ALX3: variants seen among roughly 807,000 people sequenced by gnomAD.
ALX3 encodes homeobox protein aristaless-like 3.
In ALX3, 17 loss-of-function variants were observed where a neutral mutation model predicts 26.3. The observed-to-expected ratio is 0.65, with a 90% CI of 0.44 to 0.97. The LOEUF (loss-of-function observed/expected upper bound fraction) is 0.97, where lower values mean the gene tolerates loss of function less well. Among genes scored for constraint, ALX3 ranks in the 50% least tolerant of loss-of-function variants. The pLI is 0.00. For synonymous variants in ALX3, 208 were observed against 201.4 expected (o/e 1.03, Z -0.28); for missense variants, 461 against 466.5 (o/e 0.99, Z 0.11).
chr1:110,063,983 AT>A (rs1367269039), intron 2 of ALX3, among the ~76,000 whole-genome samples: 1 of 151,060 alleles, frequency 6.6e-6, no homozygotes, highest in East Asian at 2.0e-4. Flanking sequence ...TCCATGGGGG[AT>A]TTTGTTAGGA....
At chr1:110,064,949 CT>C (rs755838544) in intron 1 of ALX3, 46 bp from the exon 2 acceptor site, 11 of 1,539,002 alleles carry the variant, frequency 7.1e-6, no homozygotes, top group Non-Finnish European at 8.7e-6. Context: ...GAACCAGGGG[CT>C]TTTGTGGGTT....
At chr1:110,070,185 G>A (rs1469145164) in intron 1 of ALX3, 151 bp downstream of exon 1, 1 of 912,548 alleles carries the variant, frequency 1.1e-6, no homozygotes, top group Non-Finnish European at 1.4e-6. Flanking sequence ...GCGCCAACCC[G>A]GCTTCCGTGG....
intron 2 of ALX3, among the ~76,000 whole-genome samples, chr1:110,063,120 A>G (rs1229107410): frequency 1.3e-5 from 2 of 152,154 alleles, no homozygotes; most frequent in Non-Finnish European, 2.9e-5. Flanking sequence ...ACTAGGGGTG[A>G]GGGCCTCATG....
At position 110,064,686 on chromosome 1, in the gene ALX3, C is replaced by T. The variant is rs912748250; in HGVS notation, c.495G>A (p.Leu165=). ...RNRTTFSTFQ[L]EELEKVFQKT... is the part of the protein sequence containing the mutation. ...TCTGGAAGACCTTCTCCAGCTCCTC[C>T]AGCTGGAATGTGCTGAAGGTCGTGC... The change falls in exon 2 of 4, where the codon CTG becomes CTA. Residue 165 remains leucine (L), a synonymous_variant. Coordinates refer to ENST00000647563, the MANE Select transcript of ALX3 (RefSeq NM_006492.3). 2 of 1,614,120 alleles carry T rather than the reference C, an allele frequency of 1.2e-6. No homozygotes were observed. Among genetic ancestry groups the T allele is most frequent in the Non-Finnish European group, 1.7e-6 (2 of 1,180,056 alleles).
intron 2 of ALX3, chr1:110,062,125 G>GCCTCCCAAGCTC (rs1653663570): frequency 6.5e-6 from 1 of 153,514 alleles, no homozygotes; most frequent in African/African-American, 2.4e-5. Flanking sequence ...TCTTCTGGTT[G>GCCTCCCAAGCTC]CCTCCCAAGC....
chr1:110,064,380 CATAAGCTTCA>C (rs1247039792), intron 2 of ALX3, among the ~76,000 whole-genome samples, 197 bp downstream of exon 2: 1 of 152,206 alleles, frequency 6.6e-6, no homozygotes, highest in Non-Finnish European at 1.5e-5. Context: ...TATACCCAGG[CATAAGCTTCA>C]ATTTGGACCA....
Position 110,070,600 on chromosome 1 carries a change from G to T in ALX3, c.13C>A (p.His5Asn). The T allele has an allele frequency of 7.9e-7, 1 of 1,260,546 alleles. No homozygotes were observed. Among genetic ancestry groups the T allele is most frequent in the Non-Finnish European group, 1.0e-6 (1 of 1,002,438 alleles). 78.1% of individuals were successfully genotyped at this position (1,260,546 alleles called of 1,614,324 possible). A position where few individuals can be genotyped will look rare whatever the true frequency, so the allele number is the denominator to read the frequency against. The change falls in exon 1 of 4, where the codon CAC becomes AAC. Residue 5 changes from histidine to asparagine, a missense_variant. Physicochemically the swap from His to Asn is moderately conservative, Grantham distance 68 (BLOSUM62 1). Around this residue, in one of 3 missense-constraint regions of ALX3, gnomAD observed 241 missense variants for 206.1 expected, o/e 1.17. Coordinates refer to ENST00000647563, the MANE Select transcript of ALX3 (RefSeq NM_006492.3). MDPE[H>N]CAPFRVGPAP... Reference sequence around the variant, plus strand: ...GGCCCCACGCGGAAAGGCGCGCAGTGCTCGGGGTCCATGCCGGCTCAGGGC... The same window carrying T: ...GGCCCCACGCGGAAAGGCGCGCAGTTCTCGGGGTCCATGCCGGCTCAGGGC...
intron 2 of ALX3, 100 bp downstream of exon 2, chr1:110,064,486 TG>T: frequency 7.1e-7 from 1 of 1,410,302 alleles, no homozygotes; most frequent in Non-Finnish European, 9.8e-7. Flanking sequence ...AAGGTAGCTC[TG>T]GGAGGCACCA....
In ALX3 at chr1:110,070,511, A is replaced by C; in HGVS notation, c.102T>G (p.Ala34=). The change falls in exon 1 of 4, where the codon GCT becomes GCG. Residue 34 remains alanine, a synonymous_variant. Transcript: ENST00000647563. ...GCGGCGCGGGGTGCAGGTGAGGCGC[A>C]GCGGCGGGGGTTCCCTGCGGGCCCG... ...EPPGPQGTPA[A]APHLHPAPPR... 1 of 1,282,372 alleles carries C rather than the reference A, an allele frequency of 7.8e-7. No homozygotes were observed. Among genetic ancestry groups the C allele is most frequent in the Non-Finnish European group, 9.8e-7 (1 of 1,015,762 alleles). The allele number at this position is 1,282,372 out of a possible 1,614,324, so 79.4% of individuals were successfully genotyped here. A position where few individuals can be genotyped will look rare whatever the true frequency, so the allele number is the denominator to read the frequency against.
At chr1:110,064,539 CTGTG>C in intron 2 of ALX3, 44 bp downstream of exon 2, 1 of 1,606,646 alleles carries the variant, frequency 6.2e-7, no homozygotes, top group East Asian at 2.2e-5. Flanking sequence ...TTTCTGGTCA[CTGTG>C]TGATAGGGGC....
At chr1:110,066,023 C>T (rs1363641231) in intron 1 of ALX3, among the ~76,000 whole-genome samples, 1 of 152,250 alleles carries the variant, frequency 6.6e-6, no homozygotes, top group Non-Finnish European at 1.5e-5. Flanking sequence ...GGCTCTGGGC[C>T]CATCTCCAGT....
rs1407495788 is a variant in ALX3 at position 110,070,576 on chromosome 1, GC to G, written c.36del (p.Pro13LeufsTer36). ...GAGGCCACATAGGGGCCGGGTGCAG[GC>G]CCCACGCGGAAAGGCGCGCAGTGCT... ...DPEHCAPFRV[G>X]PAPGPYVASG... On this transcript the variant is annotated frameshift_variant, in exon 1 of 4. Transcript: ENST00000647563. LOFTEE classifies it high-confidence loss of function. 2.3e-6 allele frequency: 3 copies of G among 1,300,332 alleles called. No individual in the cohort carries two copies. Among genetic ancestry groups the G allele is most frequent in the South Asian group, 2.2e-5 (1 of 46,000 alleles). 80.5% of individuals were successfully genotyped at this position (1,300,332 alleles called of 1,614,324 possible).
At chr1:110,062,645 G>GTGTGCGCGCGCGCGC (rs57279963) in intron 2 of ALX3, 1 of 132,300 alleles carries the variant, frequency 7.6e-6, no homozygotes, top group African/African-American at 2.8e-5. Flanking sequence ...GTGTGTGTGT[G>GTGTGCGCGCGCGCGC]GAGTAATCCG....
intron 1 of ALX3, among the ~76,000 whole-genome samples, chr1:110,069,226 C>T (rs966628170): frequency 6.6e-6 from 1 of 152,260 alleles, no homozygotes; most frequent in Non-Finnish European, 1.5e-5. Context: ...TTGACCCACA[C>T]ACACCTCCCC....
At position 110,068,346 on chromosome 1, in the gene ALX3, G is replaced by A. The variant is rs115714559; in HGVS notation, c.277+1990C>T. On this transcript the variant is annotated intron_variant, in intron 1 of 3. Transcript: ENST00000647563. ...AGTAGGCTGTGCGGCCCTGGGGGCT[G>A]ACTGTCCTCAAGCAGCCAGGCTCCA... is the stretch of plus-strand genomic sequence containing the variant. 1.0e-2 allele frequency among the ~76,000 whole-genome samples: 1,521 copies of A among 152,336 alleles called. 13 individuals carry two copies. Among genetic ancestry groups the A allele is most frequent in the South Asian group, 0.04 (194 of 4,834 alleles).
At chr1:110,065,414 CT>C (rs1433949138) in intron 1 of ALX3, among the ~76,000 whole-genome samples, 4 of 152,204 alleles carry the variant, frequency 2.6e-5, no homozygotes, top group Admixed American at 2.6e-4. Flanking sequence ...CTCAGACCAC[CT>C]TTGGCTGGTC....
chr1:110,061,730 G>A (rs1653652818), intron 2 of ALX3, 167 bp from the exon 3 acceptor site: 5 of 1,141,200 alleles, frequency 4.4e-6, no homozygotes, highest in South Asian at 1.6e-5. Flanking sequence ...GGAAGCCTGG[G>A]AGGAAGCCTG....
rs1361700069 is a variant in ALX3, at chr1:110,070,560, T to A, written c.53A>T (p.Tyr18Phe). The A allele has an allele frequency of 1.5e-6, 2 of 1,310,072 alleles. No individual in the cohort carries two copies. The highest frequency in any genetic ancestry group is 3.2e-5 in the East Asian group (1 of 31,364). The allele number at this position is 1,310,072 out of a possible 1,614,324, so 81.2% of individuals were successfully genotyped here. ...CGGAGGCTCGTCCCCCGAGGCCACA[T>A]AGGGGCCGGGTGCAGGCCCCACGCG... ...PFRVGPAPGP[Y>F]VASGDEPPGP... is the part of the protein sequence containing the mutation. Residue 18 changes from tyrosine to phenylalanine, a missense_variant, in exon 1 of 4, where the codon TAT (tyrosine) becomes TTT (phenylalanine). Tyr to Phe is a conservative substitution (Grantham distance 22). Coordinates refer to ENST00000647563, the MANE Select transcript of ALX3 (RefSeq NM_006492.3).
chr1:110,069,280 G>C (rs1456184845), intron 1 of ALX3, among the ~76,000 whole-genome samples: 1 of 152,262 alleles, frequency 6.6e-6, no homozygotes, highest in Non-Finnish European at 1.5e-5. Flanking sequence ...GGCGAAAGCC[G>C]GAGATGCCCG....
Sources: allele counts gnomAD v4.1 joint callset (sites outside exome capture counted in the v4.1 genomes callset), GRCh38; gene constraint gnomAD v4.1.1; regional missense constraint gnomAD v4.1.1; transcripts MANE v1.5; gene names NCBI Gene and HGNC (gene_info 2026-07-23, HGNC 2026-07-21).